Variants in TSPAN9 observed in about 807,000 individuals in gnomAD.
TSPAN9 encodes tetraspanin-9.
TSPAN9 carries 16 observed loss-of-function variants against 31.0 expected under a neutral mutation model. The ratio of observed to expected loss-of-function variants is 0.52; its 90% CI spans 0.35 to 0.78. TSPAN9 has a LOEUF of 0.78. Ranked by LOEUF, TSPAN9 falls within the 30% of genes least tolerant of loss-of-function variation. The pLI is 0.01. For synonymous variants in TSPAN9, 145 were observed against 121.6 expected (o/e 1.19, Z -1.27); for missense variants, 272 against 312.5 (o/e 0.87, Z 0.98).
chr12:3,119,885 A>T (rs1490165896), intron 2 of TSPAN9, among the ~76,000 whole-genome samples: 1 of 152,132 alleles, frequency 6.6e-6, no homozygotes, highest in Non-Finnish European at 1.5e-5. Flanking sequence ...CTCAAAGGGC[A>T]CGGGCCTGGC....
intron 3 of TSPAN9, among the ~76,000 whole-genome samples, chr12:3,257,138 A>C (rs909090221): frequency 2.6e-5 from 4 of 152,052 alleles, no homozygotes; most frequent in Non-Finnish European, 5.9e-5. Context: ...CAAGAGCAGA[A>C]AGTGCTGCTC....
intron 3 of TSPAN9, among the ~76,000 whole-genome samples, chr12:3,269,815 C>A (rs2153979944): frequency 6.6e-6 from 1 of 152,390 alleles, no homozygotes; most frequent in African/African-American, 2.4e-5. Flanking sequence ...CCTCTCGTGG[C>A]TGCACTGTGC....
chr12:3,166,385 A>G (rs1289178806), intron 2 of TSPAN9, among the ~76,000 whole-genome samples: 1 of 152,262 alleles, frequency 6.6e-6, no homozygotes, highest in Non-Finnish European at 1.5e-5. Flanking sequence ...TTTACTAAGA[A>G]TAGGATGAAA....
In TSPAN9 at chr12:3,088,998, C is replaced by T. The variant is rs146944524; in HGVS notation, c.-18+5279C>T. Among the ~76,000 whole-genome samples the T allele has an allele frequency of 8.7e-3, 1,313 of 151,770 alleles. 15 individuals carry two copies. Among genetic ancestry groups the T allele is most frequent in the African/African-American group, 0.03 (1,230 of 41,404 alleles). On this transcript the variant is annotated intron_variant, in intron 2 of 8. Transcript: ENST00000011898. ...CTGTAATCCCAGCACTTTGGGAGGC[C>T]GATGCAGGCGGATCACGAGGTCAGG...
At chr12:3,089,336 C>A (rs186044580) in intron 2 of TSPAN9, among the ~76,000 whole-genome samples, 13 of 136,024 alleles carry the variant, frequency 9.6e-5, no homozygotes, top group Non-Finnish European at 1.2e-4. Flanking sequence ...TTGTTCTGTC[C>A]CCCAGGCTGG....
chr12:3,126,496 A>T (rs2098327431), intron 2 of TSPAN9, among the ~76,000 whole-genome samples: 1 of 152,186 alleles, frequency 6.6e-6, no homozygotes, highest in African/African-American at 2.4e-5. Context: ...GTGTACCTTT[A>T]CCGCACCTTT....
intron 2 of TSPAN9, among the ~76,000 whole-genome samples, chr12:3,153,544 G>GATC (rs149021575): frequency 0.078 from 11,810 of 152,024 alleles, 481 homozygotes; most frequent in Non-Finnish European, 0.093. Context: ...TCACAATTAT[G>GATC]ATCATCATCA....
At chr12:3,264,936 G>A (rs1023469593) in intron 3 of TSPAN9, among the ~76,000 whole-genome samples, 4 of 152,226 alleles carry the variant, frequency 2.6e-5, no homozygotes, top group Non-Finnish European at 4.4e-5. Flanking sequence ...CAAGGCCAGA[G>A]TCAGCCACGG....
At chr12:3,177,412 C>T (rs1591661864) in intron 2 of TSPAN9, among the ~76,000 whole-genome samples, 1 of 150,140 alleles carries the variant, frequency 6.7e-6, no homozygotes, top group Admixed American at 6.6e-5. Flanking sequence ...GCTGGGATTA[C>T]AGGCGTGAGC....
At chr12:3,243,242 C>T (rs186483919) in intron 3 of TSPAN9, among the ~76,000 whole-genome samples, 1 of 152,170 alleles carries the variant, frequency 6.6e-6, no homozygotes, top group Non-Finnish European at 1.5e-5. Context: ...GTCTGCTGGA[C>T]TCACCCATCA....
At chr12:3,089,587 G>T (rs567467100) in intron 2 of TSPAN9, among the ~76,000 whole-genome samples, 1 of 152,040 alleles carries the variant, frequency 6.6e-6, no homozygotes, top group Non-Finnish European at 1.5e-5. Flanking sequence ...GAGCCACTGC[G>T]CCTGGTCTCA....
At position 3,242,980 on chromosome 12, in the gene TSPAN9, G is replaced by C. The variant is rs116674786; in HGVS notation, c.64-35441G>C. The stretch of plus-strand genomic sequence containing the variant: ...GGCAGGGCATCCAGACGGGAGCTCT[G>C]TGGGAGAACTGGGTCTCCAGGTCTC... On this transcript the variant is annotated intron_variant, in intron 3 of 8. Coordinates refer to ENST00000011898, the MANE Select transcript of TSPAN9 (RefSeq NM_006675.5). Among the ~76,000 whole-genome samples the C allele has an allele frequency of 9.2e-5, 14 of 152,350 alleles. 1 individual carries two copies. In the South Asian group the frequency reaches 2.9e-3, roughly 32 times the overall value.
intron 3 of TSPAN9, among the ~76,000 whole-genome samples, chr12:3,257,885 G>A (rs887743122): frequency 2.0e-5 from 3 of 152,170 alleles, no homozygotes; most frequent in African/African-American, 4.8e-5. Context: ...GACCTCAGAG[G>A]AGGAGGATCT....
At chr12:3,214,817 C>G (rs1236541274) in intron 3 of TSPAN9, among the ~76,000 whole-genome samples, 1 of 152,042 alleles carries the variant, frequency 6.6e-6, no homozygotes, top group African/African-American at 2.4e-5. Context: ...TTGTTAGAAG[C>G]CTTAATTACT....
At chr12:3,213,426 G>A (rs1009855350) in intron 3 of TSPAN9, among the ~76,000 whole-genome samples, 9 of 102,780 alleles carry the variant, frequency 8.8e-5, no homozygotes, top group Non-Finnish European at 2.0e-4. Flanking sequence ...TGGGCTCTGG[G>A]CAGGAGCTCT....
intron 3 of TSPAN9, among the ~76,000 whole-genome samples, chr12:3,275,586 G>T (rs943487952): frequency 6.6e-6 from 1 of 152,260 alleles, no homozygotes. Context: ...TTCAGCCATC[G>T]CTGGCGAACC....
intron 3 of TSPAN9, among the ~76,000 whole-genome samples, chr12:3,223,979 C>A (rs1293225718): frequency 1.3e-5 from 2 of 152,134 alleles, no homozygotes; most frequent in Non-Finnish European, 2.9e-5. Context: ...GGGAAAGCTC[C>A]CCAGCAGGGT....
chr12:3,262,997 G>A (rs1403846247), intron 3 of TSPAN9, among the ~76,000 whole-genome samples: 1 of 152,166 alleles, frequency 6.6e-6, no homozygotes, highest in South Asian at 2.1e-4. Context: ...GCAGTAAATG[G>A]CAGCACGTCT....
chr12:3,174,535 G>A (rs2098353902), intron 2 of TSPAN9, among the ~76,000 whole-genome samples: 1 of 152,148 alleles, frequency 6.6e-6, no homozygotes, highest in Admixed American at 6.5e-5. Flanking sequence ...TCTTGTAACA[G>A]GCCCAGCACA....
Sources: allele counts gnomAD v4.1 joint callset (sites outside exome capture counted in the v4.1 genomes callset), GRCh38; gene constraint gnomAD v4.1.1; transcripts MANE v1.5; gene names NCBI Gene and HGNC (gene_info 2026-07-23, HGNC 2026-07-21).